Variants in IGSF11 observed in about 807,000 individuals in gnomAD.
IGSF11 encodes immunoglobulin superfamily member 11.
A neutral mutation model predicts 41.0 loss-of-function variants in IGSF11; 22 were observed. The observed-to-expected ratio is 0.54, with a 90% CI of 0.38 to 0.77. IGSF11 has a LOEUF of 0.77. Ranked by LOEUF, IGSF11 falls within the 30% of genes least tolerant of loss-of-function variation. IGSF11 has a pLI of 0.00. For missense variants in IGSF11, 444 were observed against 530.8 expected (o/e 0.84, Z 1.61); for synonymous variants, 219 against 201.3 (o/e 1.09, Z -0.74).
At chr3:118,908,890 T>C (rs1297006381) in intron 4 of IGSF11, among the ~76,000 whole-genome samples, 1 of 152,252 alleles carries the variant, frequency 6.6e-6, no homozygotes, top group South Asian at 2.1e-4. Flanking sequence ...TTCTACCTAC[T>C]ACTGGTCATA....
chr3:118,904,907 G>T (rs79280804), intron 5 of IGSF11, 109 bp from the exon 6 acceptor site: 3 of 857,690 alleles, frequency 3.5e-6, no homozygotes, highest in Admixed American at 2.8e-5. Context: ...TGCTTAAAAC[G>T]TATAAAACTC....
chr3:118,959,657 T>C (rs1451402321), intron 1 of IGSF11, among the ~76,000 whole-genome samples: 2 of 152,140 alleles, frequency 1.3e-5, no homozygotes, highest in African/African-American at 4.8e-5. Context: ...CCTAAATTTT[T>C]AGGGGAGCAT....
intron 1 of IGSF11, among the ~76,000 whole-genome samples, chr3:119,128,905 G>A: frequency 6.6e-6 from 1 of 152,138 alleles, no homozygotes; most frequent in Non-Finnish European, 1.5e-5. Context: ...CCAGGACATG[G>A]AACCAACCCA....
intron 1 of IGSF11, among the ~76,000 whole-genome samples, chr3:119,064,700 C>A (rs1297931032): frequency 1.3e-5 from 2 of 151,918 alleles, no homozygotes; most frequent in Non-Finnish European, 2.9e-5. Flanking sequence ...AGGATTCTTT[C>A]ATTTCTCGCA....
chr3:118,916,905 G>A (rs918465224), intron 4 of IGSF11, among the ~76,000 whole-genome samples: 21 of 151,922 alleles, frequency 1.4e-4, no homozygotes, highest in East Asian at 5.9e-4. Flanking sequence ...ATAACAAACT[G>A]TCTCTCAGAC....
At chr3:119,019,501 C>T (rs575884036) in intron 1 of IGSF11, among the ~76,000 whole-genome samples, 1 of 151,464 alleles carries the variant, frequency 6.6e-6, no homozygotes, top group Non-Finnish European at 1.5e-5. Context: ...CTCTTTTCAA[C>T]AGCTCAGAGA....
rs148346978 is a variant in IGSF11, at chr3:119,025,479, T to G, written c.52+9052A>C. ...AGCACTTGCTGTATGTCAGGCACTA[T>G]GCTAGACACTTTACAGATAACAGTT... On this transcript the variant is annotated intron_variant, in intron 1 of 6. Coordinates refer to ENST00000393775, the MANE Select transcript of IGSF11 (RefSeq NM_001015887.3). Among the ~76,000 whole-genome samples the G allele has an allele frequency of 1.2e-3, 186 of 151,778 alleles. 1 individual carries two copies. The highest frequency in any genetic ancestry group is 4.4e-3 in the African/African-American group (182 of 41,518).
At chr3:119,013,897 CT>C (rs1938403954) in intron 1 of IGSF11, among the ~76,000 whole-genome samples, 1 of 152,206 alleles carries the variant, frequency 6.6e-6, no homozygotes, top group Admixed American at 6.5e-5. Flanking sequence ...TTAAACACTA[CT>C]TTTGGTTTCA....
chr3:119,039,245 T>G (rs1203550938), upstream of IGSF11, among the ~76,000 whole-genome samples: 1 of 152,226 alleles, frequency 6.6e-6, no homozygotes, highest in African/African-American at 2.4e-5. Context: ...TGATTCTCAG[T>G]AGACTAAAAT....
At chr3:119,118,957 G>A (rs924715068) in intron 1 of IGSF11, among the ~76,000 whole-genome samples, 2 of 152,146 alleles carry the variant, frequency 1.3e-5, no homozygotes, top group Admixed American at 6.5e-5. Context: ...CTCATCTCCA[G>A]CTGAGACCAT....
In IGSF11 at chr3:118,902,484, A is replaced by T; in HGVS notation, c.*36T>A. On this transcript the variant is annotated 3_prime_UTR_variant, in exon 7 of 7. Coordinates refer to ENST00000393775, the MANE Select transcript of IGSF11 (RefSeq NM_001015887.3). Reference sequence around the variant, plus strand: ...CCTCCCCCTTGTATGAGGGCATTCCATTTATTCATTTCTGAACACAACATT... The same window carrying T: ...CCTCCCCCTTGTATGAGGGCATTCCTTTTATTCATTTCTGAACACAACATT... 1 of 923,174 alleles carries T rather than the reference A, an allele frequency of 1.1e-6. No individual in the cohort carries two copies. The highest frequency in any genetic ancestry group is 1.7e-5 in the South Asian group (1 of 59,914). The allele number at this position is 923,174 out of a possible 1,614,324, so 57.2% of individuals were successfully genotyped here.
At chr3:118,993,954 A>C (rs1266499583) in intron 1 of IGSF11, among the ~76,000 whole-genome samples, 1 of 152,198 alleles carries the variant, frequency 6.6e-6, no homozygotes, top group Non-Finnish European at 1.5e-5. Flanking sequence ...TCGCTGCATA[A>C]ATTTTTTAAA....
chr3:118,974,627 C>CGG (rs1933855531), intron 1 of IGSF11, among the ~76,000 whole-genome samples: 3 of 152,198 alleles, frequency 2.0e-5, no homozygotes, highest in African/African-American at 7.2e-5. Context: ...GTACAAACCA[C>CGG]ATTCCATGAC....
At chr3:119,134,241 A>G (rs141862516) in intron 1 of IGSF11, among the ~76,000 whole-genome samples, 1,933 of 150,956 alleles carry the variant, frequency 0.013, 33 homozygotes, top group African/African-American at 0.045. Context: ...AAAGAAATAA[A>G]GGGTATTCAA....
intron 1 of IGSF11, among the ~76,000 whole-genome samples, chr3:119,122,259 A>G (rs2077343467): frequency 6.6e-6 from 1 of 152,196 alleles, no homozygotes; most frequent in Non-Finnish European, 1.5e-5. Context: ...GAACACAGCA[A>G]TTTGGGGACT....
At chr3:119,136,581 A>T (rs2077565384) in intron 1 of IGSF11, among the ~76,000 whole-genome samples, 1 of 152,296 alleles carries the variant, frequency 6.6e-6, no homozygotes, top group East Asian at 1.9e-4. Context: ...GAGACAAAGA[A>T]GGTCACTATA....
intron 1 of IGSF11, among the ~76,000 whole-genome samples, chr3:119,123,035 T>C (rs576131078): frequency 3.7e-4 from 56 of 152,274 alleles, no homozygotes; most frequent in African/African-American, 1.3e-3. Context: ...AGAGTACCAG[T>C]TGGGCTCTTA....
intron 1 of IGSF11, among the ~76,000 whole-genome samples, chr3:118,998,074 T>A (rs2107664129): frequency 6.6e-6 from 1 of 152,244 alleles, no homozygotes; most frequent in African/African-American, 2.4e-5. Context: ...GATTTTTAAG[T>A]CAATATATAA....
chr3:119,010,492 G>A (rs140577413), intron 1 of IGSF11, among the ~76,000 whole-genome samples: 1 of 152,330 alleles, frequency 6.6e-6, no homozygotes, highest in East Asian at 1.9e-4. Context: ...GCTGAGTAAA[G>A]AAGATGGCTC....
Sources: allele counts gnomAD v4.1 joint callset (sites outside exome capture counted in the v4.1 genomes callset), GRCh38; gene constraint gnomAD v4.1.1; transcripts MANE v1.5; gene names NCBI Gene and HGNC (gene_info 2026-07-23, HGNC 2026-07-21).